The following HDAC4 variants were observed in gnomAD, a reference collection of about 807,000 sequenced individuals.
HDAC4 encodes histone deacetylase 4, also known as histone deacetylase A.
A neutral mutation model predicts 135.1 loss-of-function variants in HDAC4; 16 were observed. The ratio of observed to expected loss-of-function variants is 0.12; its 90% CI spans 0.08 to 0.18. The LOEUF (loss-of-function observed/expected upper bound fraction) is 0.18. HDAC4 is among the 10% of genes least tolerant of loss of function. HDAC4 has a pLI of 1.00. For synonymous variants in HDAC4, 685 were observed against 653.4 expected, an observed-to-expected ratio of 1.05 and a Z score of -0.74; for missense variants, 1,143 against 1,511.8, an observed-to-expected ratio of 0.76 and a Z score of 4.05.
chr2:239,321,464 CAAAAAAAAAAAA>C (rs10530231), intron 2 of HDAC4, among the ~76,000 whole-genome samples: 2 of 56,278 alleles, frequency 3.6e-5, no homozygotes, highest in Non-Finnish European at 6.6e-5. Flanking sequence ...GACTCCGTCT[CAAAAAAAAAAAA>C]AAAAAAAAAA....
chr2:239,207,834 G>C (rs1297795820), intron 3 of HDAC4, among the ~76,000 whole-genome samples: 1 of 152,180 alleles, frequency 6.6e-6, no homozygotes, highest in African/African-American at 2.4e-5. Context: ...GGGCAGGCAG[G>C]ATCCTGAGCC....
intron 1 of HDAC4, among the ~76,000 whole-genome samples, chr2:239,384,682 G>A (rs1417256530): frequency 2.6e-5 from 4 of 152,174 alleles, no homozygotes; most frequent in Non-Finnish European, 5.9e-5. Context: ...CCGAAGGAAT[G>A]GGTCCTAGGC....
At position 239,130,368 on chromosome 2, in the gene HDAC4, C is replaced by T. The variant is rs566264817; in HGVS notation, c.1295-3674G>A. On this transcript the variant is annotated intron_variant, in intron 11 of 26. Transcript: ENST00000543185. The stretch of plus-strand genomic sequence containing the variant: ...TGAGGCCTAAACAGTAGCATGCCAT[C>T]GCTAACACAGAAGCCAGGGGCACCC... 6.6e-5 allele frequency among the ~76,000 whole-genome samples: 10 copies of T among 152,190 alleles called. No homozygotes were observed. The East Asian group carries it at 1.2e-3, about 18-fold the overall frequency.
intron 9 of HDAC4, among the ~76,000 whole-genome samples, chr2:239,138,590 CT>C: frequency 6.6e-6 from 1 of 152,376 alleles, no homozygotes; most frequent in East Asian, 1.9e-4. Context: ...AGAAAACTCA[CT>C]GCTAAAGCGT....
Position 239,051,700 on chromosome 2 carries a change from G to A in HDAC4, c.*1397C>T, listed in dbSNP as rs933176413. 10 of 152,552 alleles carry A rather than the reference G, an allele frequency of 6.6e-5. No homozygotes were observed. The highest frequency in any genetic ancestry group is 2.9e-5 in the Non-Finnish European group (2 of 68,042). 9.4% of individuals were successfully genotyped at this position (152,552 alleles called of 1,614,324 possible). A position where few individuals can be genotyped will look rare whatever the true frequency, so the allele number is the denominator to read the frequency against. On this transcript the variant is annotated 3_prime_UTR_variant, in exon 27 of 27. Transcript: ENST00000543185. ...CAAACTTGTAGGGTAGTTGCCCAGT[G>A]GCGAATGTGTTGGCGATCTGAAATC...
At chr2:239,152,528 A>G (rs1444010839) in intron 7 of HDAC4, among the ~76,000 whole-genome samples, 1 of 152,208 alleles carries the variant, frequency 6.6e-6, no homozygotes, top group Non-Finnish European at 1.5e-5. Flanking sequence ...GAAGAGCTGG[A>G]CCTGAGGCCC....
chr2:239,110,730 T>G (rs1206816472), intron 14 of HDAC4, among the ~76,000 whole-genome samples: 1 of 152,204 alleles, frequency 6.6e-6, no homozygotes, highest in Non-Finnish European at 1.5e-5. Context: ...AAATATTAGA[T>G]CATAACAACA....
chr2:239,367,392 C>G (rs1694290701), intron 1 of HDAC4, among the ~76,000 whole-genome samples: 1 of 152,120 alleles, frequency 6.6e-6, no homozygotes, highest in Admixed American at 6.5e-5. Flanking sequence ...AAAATGTTAC[C>G]TATCTATTTA....
At chr2:239,248,730 GT>G (rs1422610576) in intron 2 of HDAC4, among the ~76,000 whole-genome samples, 1 of 152,118 alleles carries the variant, frequency 6.6e-6, no homozygotes. Context: ...TACTGTTATT[GT>G]CCCCATTTTA....
chr2:239,055,779 C>T (rs1574843917), intron 24 of HDAC4, among the ~76,000 whole-genome samples: 2 of 151,158 alleles, frequency 1.3e-5, no homozygotes, highest in African/African-American at 4.9e-5. Context: ...AGTTCAAGAA[C>T]CTTTAAATAA....
At chr2:239,310,076 G>A (rs190221101) in intron 2 of HDAC4, among the ~76,000 whole-genome samples, 2 of 152,352 alleles carry the variant, frequency 1.3e-5, no homozygotes, top group East Asian at 1.9e-4. Context: ...GGCTCTGTGC[G>A]TAGAGGTGCT....
chr2:239,133,600 G>A (rs945389601), intron 11 of HDAC4, among the ~76,000 whole-genome samples: 1 of 152,154 alleles, frequency 6.6e-6, no homozygotes, highest in African/African-American at 2.4e-5. Flanking sequence ...CCAAGTAGCT[G>A]GGATTACAGG....
At chr2:239,206,568 T>A (rs1017828358) in intron 3 of HDAC4, among the ~76,000 whole-genome samples, 2 of 150,392 alleles carry the variant, frequency 1.3e-5, no homozygotes, top group Non-Finnish European at 2.9e-5. Context: ...TTAAATGACA[T>A]GACAGGGCTA....
chr2:239,234,324 C>CG (rs984532237), intron 3 of HDAC4, among the ~76,000 whole-genome samples: 1 of 152,164 alleles, frequency 6.6e-6, no homozygotes. Flanking sequence ...CCAGGAGACA[C>CG]GGCACTCTCT....
chr2:239,236,782 C>G, intron 2 of HDAC4, 118 bp from the exon 3 acceptor site: 1 of 759,420 alleles, frequency 1.3e-6, no homozygotes, highest in South Asian at 1.5e-5. Flanking sequence ...GTCCTTCCTA[C>G]TTTTACAGGG....
chr2:239,390,749 C>G (rs1431837626), intron 1 of HDAC4, among the ~76,000 whole-genome samples: 1 of 152,168 alleles, frequency 6.6e-6, no homozygotes, highest in Non-Finnish European at 1.5e-5. Flanking sequence ...GGAGCCGCCA[C>G]ATGCCTGGAG....
At chr2:239,172,293 A>AAATATATATAT (rs1278028621) in intron 5 of HDAC4, among the ~76,000 whole-genome samples, 2 of 115,054 alleles carry the variant, frequency 1.7e-5, no homozygotes, top group African/African-American at 6.3e-5. Context: ...GGTGAAAAAA[A>AAATATATATAT]ATATATATAT....
intron 12 of HDAC4, among the ~76,000 whole-genome samples, chr2:239,119,976 C>G (rs906622111): frequency 1.6e-5 from 1 of 61,334 alleles, no homozygotes; most frequent in Non-Finnish European, 4.8e-5. Flanking sequence ...GGCCAAGTGC[C>G]AGAGAAGGCA....
At chr2:239,070,509 G>C (rs1017732531) in intron 22 of HDAC4, among the ~76,000 whole-genome samples, 1 of 152,230 alleles carries the variant, frequency 6.6e-6, no homozygotes, top group African/African-American at 2.4e-5. Context: ...CGTGAGTAGG[G>C]AAGTTCAGCA....
Sources: gnomAD v4.1 joint callset for allele counts (sites outside exome capture counted in the v4.1 genomes callset) on GRCh38, gnomAD v4.1.1 for gene constraint, MANE v1.5 for transcripts, NCBI Gene and HGNC (gene_info 2026-07-23, HGNC 2026-07-21) for gene names.